Variants in BUB1B observed in about 807,000 individuals in gnomAD.
The protein encoded by BUB1B is mitotic checkpoint serine/threonine-protein kinase BUB1 beta.
BUB1B carries 86 observed loss-of-function variants against 137.7 expected under a neutral mutation model. That is an observed-to-expected ratio of 0.62 (90% CI 0.52 to 0.75). The LOEUF (loss-of-function observed/expected upper bound fraction) is 0.75, where lower values mean the gene tolerates loss of function less well. Ranked by LOEUF, BUB1B falls within the 30% of genes least tolerant of loss-of-function variation. The probability of loss-of-function intolerance (pLI) is 0.00; values close to 1 mark genes in which losing one functional copy is unlikely to be tolerated. For missense variants in BUB1B, 1,130 were observed against 1,236.9 expected (o/e 0.91, Z 1.30); for synonymous variants, 420 against 417.9 (o/e 1.00, Z -0.06).
chr15:40,221,005 A>T lies in BUB1B; in HGVS notation c.*246A>T. 1 of 527,534 alleles carries T rather than the reference A, an allele frequency of 1.9e-6. No homozygotes were observed. Among genetic ancestry groups the T allele is most frequent in the East Asian group, 3.2e-5 (1 of 31,168 alleles). The allele number at this position is 527,534 out of a possible 1,614,324, so 32.7% of individuals were successfully genotyped here. ...CTAAACAGACTCATTACAAATGGTTACCTTGTTATTTAACCCATTTGTCTC... is the reference window on the plus strand; with the variant it reads ...CTAAACAGACTCATTACAAATGGTTTCCTTGTTATTTAACCCATTTGTCTC... On this transcript the variant is annotated 3_prime_UTR_variant, in exon 23 of 23. Transcript: ENST00000287598.
intron 20 of BUB1B, chr15:40,217,286 C>G: frequency 1.7e-6 from 1 of 589,240 alleles, no homozygotes; most frequent in Non-Finnish European, 3.0e-6. Context: ...TTGAAATATA[C>G]TTTGTGTCAC....
Position 40,209,665 on chromosome 15 carries a change from A to C in BUB1B, c.2174A>C (p.Gln725Pro), listed in dbSNP as rs2140906180. The change falls in exon 17 of 23, where the codon CAG becomes CCG. Residue 725 changes from glutamine (Q) to proline (P), a missense_variant. Coordinates refer to ENST00000287598, the MANE Select transcript of BUB1B (RefSeq NM_001211.6). ...CCTACTCAGTCACCATGGTGTTCAC[A>C]GTATCGCAGACAGCTACTGAAGTCC... ...ENPTQSPWCS[Q>P]YRRQLLKSLP... 8 of 1,614,124 alleles carry C rather than the reference A, an allele frequency of 5.0e-6. No individual in the cohort carries two copies. In the African/African-American group the frequency reaches 6.7e-5, roughly 13 times the overall value.
Position 40,206,229 on chromosome 15 carries a change from A to G in BUB1B, c.1780A>G (p.Thr594Ala), listed in dbSNP as rs1369257522. Residue 594 changes from threonine to alanine, a missense_variant, in exon 15 of 23, where the codon ACA becomes GCA. By Grantham distance (58) the Thr-to-Ala change is moderately conservative. Transcript: ENST00000287598. ...ACCCTTGAGCGAGGATGCCATTATCACAGGCTTCAGAAATGTAACAATTTG... is the reference window on the plus strand; with the variant it reads ...ACCCTTGAGCGAGGATGCCATTATCGCAGGCTTCAGAAATGTAACAATTTG... ...IEPLSEDAII[T>A]GFRNVTICPN... 24 of 1,614,208 alleles carry G rather than the reference A, an allele frequency of 1.5e-5. No individual in the cohort carries two copies. Among genetic ancestry groups the G allele is most frequent in the Non-Finnish European group, 2.0e-5 (24 of 1,180,020 alleles).
intron 2 of BUB1B, among the ~76,000 whole-genome samples, chr15:40,168,155 G>A (rs1222317685): frequency 2.6e-5 from 4 of 151,934 alleles, no homozygotes; most frequent in Non-Finnish European, 5.9e-5. Flanking sequence ...ATCACCTGAG[G>A]TGAGGAGTTT....
chr15:40,220,011 G>T (rs901353488), intron 22 of BUB1B, among the ~76,000 whole-genome samples: 1 of 152,152 alleles, frequency 6.6e-6, no homozygotes, highest in Non-Finnish European at 1.5e-5. Flanking sequence ...GGCAGGTCTG[G>T]CTAACACAAG....
At position 40,220,761 on chromosome 15, in the gene BUB1B, C is replaced by G. The variant is rs1432355606; in HGVS notation, c.*2C>G. 6.2e-7 allele frequency: 1 copy of G among 1,613,660 alleles called. No individual in the cohort carries two copies. Among genetic ancestry groups the G allele is most frequent in the Non-Finnish European group, 8.5e-7 (1 of 1,179,586 alleles). ...CCTGGGGCTTTGCTCTTTCAGTGAGCTAGGCAATCAAGTCTCACAGATTGC... is the reference window on the plus strand; with the variant it reads ...CCTGGGGCTTTGCTCTTTCAGTGAGGTAGGCAATCAAGTCTCACAGATTGC... On this transcript the variant is annotated 3_prime_UTR_variant, in exon 23 of 23. Coordinates refer to ENST00000287598, the MANE Select transcript of BUB1B (RefSeq NM_001211.6).
intron 5 of BUB1B, among the ~76,000 whole-genome samples, chr15:40,179,480 CTTCT>C (rs1239292311): frequency 2.6e-5 from 4 of 152,056 alleles, no homozygotes; most frequent in Admixed American, 6.5e-5. Flanking sequence ...TGTTAATTAG[CTTCT>C]TTAACTTTTA....
chr15:40,182,109 C>T (rs957567751), intron 5 of BUB1B, among the ~76,000 whole-genome samples: 1 of 152,190 alleles, frequency 6.6e-6, no homozygotes, highest in Non-Finnish European at 1.5e-5. Flanking sequence ...GAGGCTGAAG[C>T]AGGAGAATCG....
chr15:40,183,768 AGAG>A lies in BUB1B; in HGVS notation c.642_644del (p.Glu215del), dbSNP rs759433961. The A allele has an allele frequency of 1.9e-6, 3 of 1,614,160 alleles. No individual in the cohort carries two copies. Among genetic ancestry groups the A allele is most frequent in the East Asian group, 2.2e-5 (1 of 44,870 alleles). ...CTCTGTTGGCACTTGAGAAAGAAGA[AGAG>A]GAGGAAGTTTTTGAGTCTTCTGTAC... On this transcript the variant is annotated inframe_deletion, in exon 6 of 23. Coordinates refer to ENST00000287598, the MANE Select transcript of BUB1B (RefSeq NM_001211.6).
chr15:40,215,205 C>T (rs1291979676), intron 20 of BUB1B, among the ~76,000 whole-genome samples: 1 of 152,180 alleles, frequency 6.6e-6, no homozygotes, highest in African/African-American at 2.4e-5. Context: ...CACAGTGGCT[C>T]ATGCCTATAA....
In BUB1B at chr15:40,170,579, G is replaced by A. The variant is rs1801389; in HGVS notation, c.282G>A (p.Lys94=). The A allele has an allele frequency of 0.13, 217,698 of 1,612,750 alleles. 15,827 individuals carry two copies. The highest frequency in any genetic ancestry group is 0.15 in the Non-Finnish European group (171,390 of 1,178,894). Residue 94 remains lysine, a synonymous_variant, in exon 4 of 23, where the codon AAG becomes AAA. Coordinates refer to ENST00000287598, the MANE Select transcript of BUB1B (RefSeq NM_001211.6). ...AGCAGAACTATCCTCAAGGTGGGAA[G>A]GAGAGTAATATGTCAACGTTATTAG... ...WTEQNYPQGG[K]ESNMSTLLER... is the part of the protein sequence containing the mutation.
chr15:40,189,591 A>C (rs1016869489), intron 8 of BUB1B, among the ~76,000 whole-genome samples: 1 of 152,212 alleles, frequency 6.6e-6, no homozygotes, highest in Non-Finnish European at 1.5e-5. Flanking sequence ...GCTTCACAAC[A>C]TTTTATTTAA....
At chr15:40,191,885 C>T (rs2037442806) in intron 8 of BUB1B, among the ~76,000 whole-genome samples, 2 of 151,908 alleles carry the variant, frequency 1.3e-5, no homozygotes, top group South Asian at 4.1e-4. Flanking sequence ...TACACGATCT[C>T]GATTACTGCA....
chr15:40,193,301 C>T (rs2037458927), intron 8 of BUB1B, among the ~76,000 whole-genome samples: 1 of 152,070 alleles, frequency 6.6e-6, no homozygotes, highest in Non-Finnish European at 1.5e-5. Flanking sequence ...TCTATTGTTC[C>T]ACATCCTTGG....
rs1369363382 is a variant in BUB1B, at chr15:40,185,357, C to T, written c.944C>T (p.Thr315Ile). ...GAGCTGCAAGCAGGCCCTTGGAACA[C>T]AGGCAGGTCCTTGGAACACAGGGTA... ...ENELQAGPWNTGRSLEHRPRG... is the reference protein window; with the variant it reads ...ENELQAGPWNIGRSLEHRPRG... Residue 315 changes from threonine to isoleucine, a missense_variant, in exon 7 of 23, where the codon ACA becomes ATA. Transcript: ENST00000287598. 3.1e-6 allele frequency: 5 copies of T among 1,614,032 alleles called. No homozygotes were observed. The highest frequency in any genetic ancestry group is 2.7e-5 in the African/African-American group (2 of 74,918).
intron 20 of BUB1B, among the ~76,000 whole-genome samples, chr15:40,216,238 G>C (rs7169842): frequency 0.47 from 71,977 of 151,798 alleles, 17,842 homozygotes; most frequent in Non-Finnish European, 0.56. Context: ...AGGAGTTCAA[G>C]ACCAGTCTGG....
At position 40,202,405 on chromosome 15, in the gene BUB1B, G is replaced by A; in HGVS notation, c.1568G>A (p.Gly523Asp). The change falls in exon 13 of 23, where the codon GGT becomes GAT. Residue 523 changes from glycine (G) to aspartate (D), a missense_variant and splice_region_variant. Transcript: ENST00000287598. The part of the protein sequence containing the change: ...NIWQEQPHSK[G>D]PSVPFSIFDE... ...ATGTATCTAGTCTCTCTTTCTCTAG[G>A]TCCCAGTGTACCTTTCTCCATTTTT... 1 of 1,607,640 alleles carries A rather than the reference G, an allele frequency of 6.2e-7. No individual in the cohort carries two copies. Among genetic ancestry groups the A allele is most frequent in the Non-Finnish European group, 8.5e-7 (1 of 1,175,954 alleles).
At chr15:40,185,024 G>T in intron 6 of BUB1B, 141 bp from the exon 7 acceptor site, 1 of 684,204 alleles carries the variant, frequency 1.5e-6, no homozygotes, top group Admixed American at 3.0e-5. Context: ...TTTTTTTAAA[G>T]ATTATTTTTA....
chr15:40,211,127 TTCTC>T (rs1316543615), intron 18 of BUB1B, among the ~76,000 whole-genome samples: 3 of 152,146 alleles, frequency 2.0e-5, no homozygotes, highest in South Asian at 4.1e-4. Flanking sequence ...TTCTCCTATA[TTCTC>T]TCTTTGTCTT....
Sources: allele counts gnomAD v4.1 joint callset (sites outside exome capture counted in the v4.1 genomes callset), GRCh38; gene constraint gnomAD v4.1.1; transcripts MANE v1.5; gene names NCBI Gene and HGNC (gene_info 2026-07-23, HGNC 2026-07-21).